Variants in ACOT7 observed in about 807,000 individuals in gnomAD.
The protein encoded by ACOT7 is cytosolic acyl coenzyme A thioester hydrolase.
ACOT7 carries 12 observed loss-of-function variants against 40.2 expected under a neutral mutation model. The ratio of observed to expected loss-of-function variants is 0.30; its 90% confidence interval spans 0.19 to 0.48. ACOT7 has a LOEUF of 0.48. Ranked by LOEUF, ACOT7 falls within the 20% of genes least tolerant of loss-of-function variation. The pLI is 0.99. For synonymous variants in ACOT7, 228 were observed against 219.5 expected (o/e 1.04, Z -0.34); for missense variants, 395 against 530.8 (o/e 0.74, Z 2.51).
intron 8 of ACOT7, among the ~76,000 whole-genome samples, chr1:6,270,593 A>T (rs2148365285): frequency 6.6e-6 from 1 of 152,362 alleles, no homozygotes; most frequent in South Asian, 2.1e-4. Flanking sequence ...GGCCAGGAGC[A>T]GGACTCTGAG....
At chr1:6,314,951 G>A (rs3789493) in intron 6 of ACOT7, among the ~76,000 whole-genome samples, 13,179 of 152,000 alleles carry the variant, frequency 0.087, 981 homozygotes, top group African/African-American at 0.19. Context: ...CCTCCCGCAC[G>A]GGACAATGAC....
At chr1:6,369,141 A>T (rs368679865) in intron 1 of ACOT7, among the ~76,000 whole-genome samples, 6 of 151,202 alleles carry the variant, frequency 4.0e-5, no homozygotes, top group African/African-American at 1.5e-4. Context: ...ATGCCACCAC[A>T]TCTAGCTACG....
intron 5 of ACOT7, among the ~76,000 whole-genome samples, chr1:6,322,625 A>T (rs757416661): frequency 1.3e-5 from 2 of 152,200 alleles, no homozygotes; most frequent in African/African-American, 2.4e-5. Context: ...GTGTCCTCAC[A>T]GGGTTGTTCC....
At chr1:6,331,586 C>T (rs1640956426) in intron 4 of ACOT7, among the ~76,000 whole-genome samples, 1 of 152,220 alleles carries the variant, frequency 6.6e-6, no homozygotes, top group South Asian at 2.1e-4. Flanking sequence ...GGGACACTGT[C>T]AGGTGGGAAT....
intron 2 of ACOT7, among the ~76,000 whole-genome samples, chr1:6,342,270 T>C (rs949474475): frequency 1.3e-5 from 2 of 152,104 alleles, no homozygotes; most frequent in African/African-American, 4.8e-5. Flanking sequence ...CATGAAGACA[T>C]TGATCTCATT....
At chr1:6,368,297 C>T (rs1642058517) in intron 1 of ACOT7, among the ~76,000 whole-genome samples, 2 of 152,156 alleles carry the variant, frequency 1.3e-5, no homozygotes, top group African/African-American at 4.8e-5. Context: ...GCCTCCCTCC[C>T]ATGCCTGTTG....
intron 1 of ACOT7, chr1:6,360,484 C>A: frequency 6.4e-7 from 1 of 1,552,978 alleles, no homozygotes; most frequent in Non-Finnish European, 8.9e-7. Context: ...GCGTCTCCCA[C>A]CCTGGCACAC....
In ACOT7 at chr1:6,318,529, C is replaced by G. The variant is rs777603203; in HGVS notation, c.675G>C (p.Gly225=). 1.9e-6 allele frequency: 3 copies of G among 1,614,044 alleles called. No homozygotes were observed. ...YSQSSLIHLV[G]PSDCTLHGFV... Reference sequence around the variant, plus strand: ...AGCCGTGCAGGGTGCAGTCTGAAGGCCCCACCAGGTGGATCAAGCTGGACT... The same window carrying G: ...AGCCGTGCAGGGTGCAGTCTGAAGGGCCCACCAGGTGGATCAAGCTGGACT... Residue 225 remains glycine (G), a synonymous_variant, in exon 6 of 9, where the codon GGG becomes GGC. Transcript: ENST00000361521.
chr1:6,365,760 C>A (rs914212736), intron 1 of ACOT7, among the ~76,000 whole-genome samples: 2 of 50,828 alleles, frequency 3.9e-5, no homozygotes, highest in African/African-American at 1.0e-4. Context: ...AGAGCAAGAC[C>A]CCATCTCAAA....
At chr1:6,277,120 C>T (rs1639219162) in intron 8 of ACOT7, among the ~76,000 whole-genome samples, 1 of 152,216 alleles carries the variant, frequency 6.6e-6, no homozygotes, top group African/African-American at 2.4e-5. Context: ...AAGGGTGGAC[C>T]CCCTCAGGTT....
Position 6,275,684 on chromosome 1 carries a change from T to C in ACOT7, c.1014+5418A>G, listed in dbSNP as rs1639166932. Among the ~76,000 whole-genome samples the C allele has an allele frequency of 7.8e-6, 1 of 127,580 alleles. No individual in the cohort carries two copies. The highest frequency in any genetic ancestry group is 2.5e-4 in the South Asian group (1 of 3,978). 83.7% of individuals were successfully genotyped at this position (127,580 alleles called of 152,430 possible). A position where few individuals can be genotyped will look rare whatever the true frequency, so the allele number is the denominator to read the frequency against. ...GTGAGCCGAGATCCAGCCATTGCAC[T>C]CCAGGTTGGGCGACAGAGTGAGGCT... On this transcript the variant is annotated intron_variant, in intron 8 of 8. Coordinates refer to ENST00000361521, the MANE Select transcript of ACOT7 (RefSeq NM_007274.4). The surrounding 1 kb of genome is among the most constrained non-coding windows in gnomAD (Gnocchi z 5.6).
intron 8 of ACOT7, among the ~76,000 whole-genome samples, chr1:6,273,827 A>C (rs796990278): frequency 2.0e-5 from 3 of 152,348 alleles, no homozygotes; most frequent in African/African-American, 7.2e-5. Context: ...TTTGCTAGTG[A>C]AATTCTCTGG....
At chr1:6,266,546 C>T (rs985895205) in intron 8 of ACOT7, among the ~76,000 whole-genome samples, 3 of 152,380 alleles carry the variant, frequency 2.0e-5, no homozygotes, top group Admixed American at 6.5e-5. Flanking sequence ...CGCTGTGGCC[C>T]GCGGACCACA....
Position 6,306,803 on chromosome 1 carries a change from G to C in ACOT7, c.712+11689C>G, listed in dbSNP as rs1640169235. 8 of 1,288,878 alleles carry C rather than the reference G, an allele frequency of 6.2e-6. No homozygotes were observed. Among genetic ancestry groups the C allele is most frequent in the Non-Finnish European group, 8.1e-6 (8 of 988,504 alleles). 79.8% of individuals were successfully genotyped at this position (1,288,878 alleles called of 1,614,324 possible). On this transcript the variant is annotated intron_variant, in intron 6 of 8. Transcript: ENST00000361521. The surrounding 1 kb of genome is among the most constrained non-coding windows in gnomAD (Gnocchi z 4.3). The stretch of plus-strand genomic sequence containing the variant: ...TGTTGTGTCCCACGTAGCAGTGGGG[G>C]CTCCGGCCAAACAAGGTCACGGAAT...
chr1:6,295,397 T>C (rs1382226676), intron 6 of ACOT7: 1 of 164,584 alleles, frequency 6.1e-6, no homozygotes, highest in African/African-American at 2.4e-5. Flanking sequence ...TGGAAACAGT[T>C]TGAAGTTTCG....
Position 6,358,042 on chromosome 1 carries a change from T to A in ACOT7, c.144-8176A>T, listed in dbSNP as rs1288896940. 6.6e-6 allele frequency among the ~76,000 whole-genome samples: 1 copy of A among 151,908 alleles called. No individual in the cohort carries two copies. Among genetic ancestry groups the A allele is most frequent in the African/African-American group, 2.4e-5 (1 of 41,332 alleles). ...CCACCATGCCTGGCTAATTTTTGTA[T>A]TTTTTAGTAGAGACGGGGGTTTCAC... On this transcript the variant is annotated intron_variant, in intron 1 of 8. Transcript: ENST00000361521. This position sits in a 1 kb window ranked among gnomAD's most constrained non-coding sequence, Gnocchi z 4.1.
chr1:6,364,462 A>C (rs1641956740), intron 1 of ACOT7, among the ~76,000 whole-genome samples: 1 of 151,350 alleles, frequency 6.6e-6, no homozygotes, highest in African/African-American at 2.4e-5. Flanking sequence ...AATCCCTTGA[A>C]GCCGGGAGGC....
chr1:6,350,520 C>A (rs915521944), intron 1 of ACOT7, among the ~76,000 whole-genome samples: 2 of 152,224 alleles, frequency 1.3e-5, no homozygotes, highest in Non-Finnish European at 2.9e-5. Context: ...TCATCCTTGC[C>A]GTGAGCAGCC....
Position 6,282,783 on chromosome 1 carries a change from A to C in ACOT7, c.830-1497T>G. ...AAGGAGCTGTGTGGTCAGCGCCAGC[A>C]GGCATTACGTGAGCTGTAAGGTACA... On this transcript the variant is annotated intron_variant, in intron 7 of 8. Coordinates refer to ENST00000361521, the MANE Select transcript of ACOT7 (RefSeq NM_007274.4). This position sits in a 1 kb window ranked among gnomAD's most constrained non-coding sequence, Gnocchi z 4.5. The C allele has an allele frequency of 7.7e-7, 1 of 1,304,300 alleles. No homozygotes were observed. The highest frequency in any genetic ancestry group is 1.0e-6 in the Non-Finnish European group (1 of 988,972). The allele number at this position is 1,304,300 out of a possible 1,614,324, so 80.8% of individuals were successfully genotyped here.
Sources: allele counts gnomAD v4.1 joint callset (sites outside exome capture counted in the v4.1 genomes callset), GRCh38; gene constraint gnomAD v4.1.1; non-coding constraint Gnocchi (gnomAD v3.1); transcripts MANE v1.5; gene names NCBI Gene and HGNC (gene_info 2026-07-23, HGNC 2026-07-21).